HERC1: variants seen among roughly 807,000 people sequenced by gnomAD.
HERC1 encodes the protein probable E3 ubiquitin-protein ligase HERC1.
HERC1 carries 160 observed loss-of-function variants against 554.3 expected under a neutral mutation model. The observed-to-expected ratio is 0.29, with a 90% CI of 0.25 to 0.33. The LOEUF (loss-of-function observed/expected upper bound fraction) is 0.33. Among genes scored for constraint, HERC1 ranks in the 10% least tolerant of loss-of-function variants. The probability of loss-of-function intolerance (pLI) is 1.00; values close to 1 mark genes in which losing one functional copy is unlikely to be tolerated. For missense variants in HERC1, 4,919 were observed against 5,918.5 expected (o/e 0.83, Z 5.54); for synonymous variants, 2,175 against 2,131.7 (o/e 1.02, Z -0.56).
chr15:63,824,852 A>G (rs57817022), intron 1 of HERC1, among the ~76,000 whole-genome samples: 7,231 of 152,112 alleles, frequency 0.048, 341 homozygotes, highest in African/African-American at 0.12. Context: ...AGGAAAAAAA[A>G]AAAACACTAA....
intron 47 of HERC1, 83 bp downstream of exon 47, chr15:63,659,653 A>C (rs1376255178): frequency 1.1e-6 from 1 of 924,160 alleles, no homozygotes; most frequent in African/African-American, 1.7e-5. Context: ...ATTTACTTTT[A>C]CTTTATTATT....
intron 36 of HERC1, among the ~76,000 whole-genome samples, chr15:63,679,177 A>C (rs545617993): frequency 6.6e-6 from 1 of 152,338 alleles, no homozygotes; most frequent in East Asian, 1.9e-4. Flanking sequence ...TTCGAACCAG[A>C]ACATGACAGA....
chr15:63,831,495 A>G (rs1296233824), intron 1 of HERC1, among the ~76,000 whole-genome samples: 1 of 152,230 alleles, frequency 6.6e-6, no homozygotes, highest in Admixed American at 6.5e-5. Context: ...CAACTATAAC[A>G]TTCAAGTTTT....
At chr15:63,638,885 T>C in intron 61 of HERC1, 109 bp from the exon 62 acceptor site, 6 of 779,008 alleles carry the variant, frequency 7.7e-6, no homozygotes, top group Admixed American at 2.1e-5. Context: ...AAAAAGAATA[T>C]GGTAATATTA....
chr15:63,823,621 C>A (rs1271340441), intron 1 of HERC1, among the ~76,000 whole-genome samples: 3 of 152,168 alleles, frequency 2.0e-5, no homozygotes, highest in African/African-American at 7.2e-5. Context: ...TTTCTCAATT[C>A]TCACAAGGAT....
intron 2 of HERC1, among the ~76,000 whole-genome samples, chr15:63,773,196 A>C (rs1425963749): frequency 1.3e-5 from 2 of 152,158 alleles, no homozygotes; most frequent in Non-Finnish European, 2.9e-5. Context: ...TAATCCCAGC[A>C]GTGTGGGAGG....
chr15:63,821,022 T>C (rs967966459), intron 1 of HERC1, among the ~76,000 whole-genome samples: 1 of 152,234 alleles, frequency 6.6e-6, no homozygotes, highest in African/African-American at 2.4e-5. Context: ...TATATGCTCT[T>C]GATAATGTTA....
intron 12 of HERC1, among the ~76,000 whole-genome samples, chr15:63,744,158 G>GTC (rs2074955943): frequency 1.2e-4 from 5 of 42,298 alleles, no homozygotes; most frequent in African/African-American, 3.7e-4. Context: ...GTGTGTGTGT[G>GTC]TGTGTGTCTC....
At chr15:63,811,906 T>G (rs1457826742) in intron 1 of HERC1, among the ~76,000 whole-genome samples, 1 of 152,206 alleles carries the variant, frequency 6.6e-6, no homozygotes. Context: ...GTTTTTCTAT[T>G]GTTAACCATG....
intron 14 of HERC1, among the ~76,000 whole-genome samples, chr15:63,731,462 C>A (rs1244326518): frequency 6.6e-6 from 1 of 152,174 alleles, no homozygotes; most frequent in East Asian, 1.9e-4. Flanking sequence ...TTCCTTTCAA[C>A]TTTGTTGTAA....
chr15:63,743,507 C>T (rs1262166804), intron 12 of HERC1, among the ~76,000 whole-genome samples: 1 of 152,070 alleles, frequency 6.6e-6, no homozygotes, highest in Non-Finnish European at 1.5e-5. Flanking sequence ...TTGTGATCCA[C>T]CCACCTTGGC....
chr15:63,634,810 G>A lies in HERC1; in HGVS notation c.12493C>T (p.Arg4165Cys). The A allele has an allele frequency of 6.2e-7, 1 of 1,612,898 alleles. No homozygotes were observed. Among genetic ancestry groups the A allele is most frequent in the Non-Finnish European group, 8.5e-7 (1 of 1,179,196 alleles). ...LFTFGNGDYG[R>C]LGLGNTSNKK... ...TTAGAGGTATTTCCAAGACCCAGAC[G>A]ACCATAGTCACCATTCCCAAAGGTG... is the stretch of plus-strand genomic sequence containing the variant. The change falls in exon 66 of 78, where the codon CGT becomes TGT. Residue 4165 changes from arginine to cysteine, a missense_variant. Physicochemically the swap from Arg to Cys is radical, Grantham distance 180. Coordinates refer to ENST00000443617, the MANE Select transcript of HERC1 (RefSeq NM_003922.4).
At chr15:63,686,276 T>A in intron 34 of HERC1, 83 bp downstream of exon 34, 1 of 1,010,104 alleles carries the variant, frequency 9.9e-7, no homozygotes. Flanking sequence ...TTTTTTTCAG[T>A]CTTTCTACAC....
At chr15:63,616,342 G>A in intron 75 of HERC1, 88 bp downstream of exon 75, 1 of 1,360,118 alleles carries the variant, frequency 7.4e-7, no homozygotes. Flanking sequence ...GCAAGTGGAA[G>A]ACTGTATCTC....
chr15:63,633,512 G>A (rs151245685), intron 67 of HERC1, among the ~76,000 whole-genome samples: 1 of 152,084 alleles, frequency 6.6e-6, no homozygotes, highest in Non-Finnish European at 1.5e-5. Flanking sequence ...GCATGCAGAG[G>A]GTTACAAAGG....
chr15:63,818,331 A>G (rs1312688227), intron 1 of HERC1, among the ~76,000 whole-genome samples: 1 of 152,166 alleles, frequency 6.6e-6, no homozygotes, highest in Non-Finnish European at 1.5e-5. Flanking sequence ...CTGAGCTCCC[A>G]AACAGCACTA....
intron 48 of HERC1, among the ~76,000 whole-genome samples, chr15:63,656,603 G>A (rs1364020070): frequency 1.3e-5 from 2 of 152,134 alleles, no homozygotes; most frequent in African/African-American, 4.8e-5. Context: ...AAGTAAAACA[G>A]GAATGTTCAC....
intron 38 of HERC1, 81 bp downstream of exon 38, chr15:63,674,257 CACTT>C (rs2071085749): frequency 2.7e-6 from 3 of 1,105,280 alleles, no homozygotes; most frequent in Non-Finnish European, 3.6e-6. Context: ...TTTTACAAAT[CACTT>C]ACAGAATGTA....
intron 1 of HERC1, among the ~76,000 whole-genome samples, chr15:63,789,883 A>G (rs1464452955): frequency 6.6e-6 from 1 of 151,854 alleles, no homozygotes; most frequent in Admixed American, 6.6e-5. Flanking sequence ...GATACTGAAT[A>G]CCTCAAAAAC....
Sources: allele counts gnomAD v4.1 joint callset (sites outside exome capture counted in the v4.1 genomes callset), GRCh38; gene constraint gnomAD v4.1.1; transcripts MANE v1.5; gene names NCBI Gene and HGNC (gene_info 2026-07-23, HGNC 2026-07-21).